PTPRA: variants seen among roughly 807,000 people sequenced by gnomAD.
PTPRA encodes the protein protein tyrosine phosphatase receptor type A.
Under a neutral mutation model 104.8 loss-of-function variants are expected in PTPRA, and 25 were observed. The ratio of observed to expected loss-of-function variants is 0.24; its 90% CI spans 0.17 to 0.33. PTPRA has a LOEUF of 0.33. Ranked by LOEUF, PTPRA falls within the 10% of genes least tolerant of loss-of-function variation. The pLI is 1.00. For missense variants in PTPRA, 765 were observed against 1,015.3 expected, an observed-to-expected ratio of 0.75 and a Z score of 3.35; for synonymous variants, 323 against 368.9, an observed-to-expected ratio of 0.88 and a Z score of 1.43.
At chr20:2,864,534 C>T in the PTPRA span, 2 of 1,614,104 alleles carry the variant, frequency 1.2e-6, no homozygotes, top group South Asian at 2.2e-5. This position sits in a 1 kb window ranked among gnomAD's most constrained non-coding sequence, Gnocchi z 5.2. Context: ...TGATTGCCTG[C>T]CTGTGGCCCC....
intron 13 of PTPRA, among the ~76,000 whole-genome samples, chr20:3,018,848 G>A (rs1371667653): frequency 7.4e-4 from 62 of 83,664 alleles, no homozygotes; most frequent in African/African-American, 3.2e-3. Context: ...CTGGCCGGGC[G>A]GGGGGCTGAT....
intron 2 of PTPRA, among the ~76,000 whole-genome samples, chr20:2,930,488 C>T (rs993320932): frequency 2.6e-5 from 4 of 152,156 alleles, no homozygotes; most frequent in African/African-American, 7.2e-5. Context: ...ACCATAAACT[C>T]GGTGGCTAAA....
intron 1 of PTPRA, among the ~76,000 whole-genome samples, chr20:2,897,226 G>A (rs1405737951): frequency 6.6e-6 from 1 of 152,108 alleles, no homozygotes; most frequent in African/African-American, 2.4e-5. Flanking sequence ...GTGGGGTGAT[G>A]CTTTGAGACT....
chr20:3,017,369 G>A (rs1203649906), intron 12 of PTPRA, among the ~76,000 whole-genome samples: 1 of 152,150 alleles, frequency 6.6e-6, no homozygotes, highest in South Asian at 2.1e-4. Flanking sequence ...TCCGAAAAAG[G>A]TTATATGGGA....
In PTPRA at chr20:3,015,866, C is replaced by T; in HGVS notation, c.924C>T (p.Asn308=). 3 of 1,564,234 alleles carry T rather than the reference C, an allele frequency of 1.9e-6. No homozygotes were observed. Among genetic ancestry groups the T allele is most frequent in the East Asian group, 2.2e-5 (1 of 44,510 alleles). Reference sequence around the variant, plus strand: ...CACCCCAGGGCTACCAAGAAAAGAACAAATTCATTGCTGCACAAGGTAAAG... The same window carrying T: ...CACCCCAGGGCTACCAAGAAAAGAATAAATTCATTGCTGCACAAGGTAAAG... ...ASFINGYQEK[N]KFIAAQGPKE... Residue 308 remains asparagine, a synonymous_variant, in exon 12 of 24, where the codon AAC becomes AAT. Transcript: ENST00000399903.
intron 14 of PTPRA, among the ~76,000 whole-genome samples, chr20:3,021,780 G>T (rs2064882032): frequency 6.6e-6 from 1 of 152,202 alleles, no homozygotes; most frequent in African/African-American, 2.4e-5. Flanking sequence ...GCCTGCCCCT[G>T]GCCCTCCAGG....
Position 2,910,593 on chromosome 20 carries a change from T to TG in PTPRA, c.-128-12614_-128-12613insG, listed in dbSNP as rs1171090474. ...TGCCCAGCTAGTTTTTTTTTTGTTT[T>TG]TTTTTTGTTTTTTTTAATTTTTTTT... On this transcript the variant is annotated intron_variant, in intron 1 of 23. Coordinates refer to ENST00000399903, the MANE Select transcript of PTPRA (RefSeq NM_001385305.1). Among the ~76,000 whole-genome samples, 28 of 127,102 alleles carry TG rather than the reference T, an allele frequency of 2.2e-4. 1 individual carries two copies. In the East Asian group the frequency reaches 3.6e-3, roughly 16 times the overall value. The allele number at this position is 127,102 out of a possible 152,430, so 83.4% of individuals were successfully genotyped here.
In PTPRA at chr20:2,923,218, A is replaced by T; in HGVS notation, c.-117A>T. On this transcript the variant is annotated 5_prime_UTR_variant, in exon 2 of 24. Coordinates refer to ENST00000399903, the MANE Select transcript of PTPRA (RefSeq NM_001385305.1). ...TCCTTTTGTTGCAGGTGACACAACT[A>T]AAAAAAAACAAAGGTATTTATGGAA... is the stretch of plus-strand genomic sequence containing the variant. 8.3e-7 allele frequency: 1 copy of T among 1,205,402 alleles called. No homozygotes were observed. Among genetic ancestry groups the T allele is most frequent in the Non-Finnish European group, 1.1e-6 (1 of 927,654 alleles). The allele number at this position is 1,205,402 out of a possible 1,614,324, so 74.7% of individuals were successfully genotyped here. A position where few individuals can be genotyped will look rare whatever the true frequency, so the allele number is the denominator to read the frequency against.
chr20:2,864,891 A>G, the PTPRA span: 20 of 1,575,290 alleles, frequency 1.3e-5, no homozygotes, highest in Non-Finnish European at 1.7e-5. This position sits in a 1 kb window ranked among gnomAD's most constrained non-coding sequence, Gnocchi z 5.2. Flanking sequence ...CCCTGGGCAC[A>G]GGGATGGGGG....
intron 10 of PTPRA, 100 bp downstream of exon 10, chr20:3,005,246 G>A (rs2063809758): frequency 1.7e-6 from 2 of 1,190,576 alleles, no homozygotes; most frequent in Non-Finnish European, 2.5e-6. Context: ...ACAGCAGGGT[G>A]AATAACAAGA....
At chr20:2,956,757 C>T (rs2061552191) in intron 3 of PTPRA, among the ~76,000 whole-genome samples, 1 of 152,054 alleles carries the variant, frequency 6.6e-6, no homozygotes, top group African/African-American at 2.4e-5. Flanking sequence ...AGGGTATTTC[C>T]AGTATTCTTC....
chr20:2,867,785 C>T, the PTPRA span, among the ~76,000 whole-genome samples: 1 of 152,212 alleles, frequency 6.6e-6, no homozygotes. Context: ...CCCCTAGGGC[C>T]GACCATGCTT....
intron 1 of PTPRA, among the ~76,000 whole-genome samples, chr20:2,914,303 G>A (rs2059819428): frequency 6.6e-6 from 1 of 152,134 alleles, no homozygotes; most frequent in African/African-American, 2.4e-5. Flanking sequence ...TAGAGGTTAG[G>A]TCTGGACAGT....
In PTPRA at chr20:2,912,423, A is replaced by G. The variant is rs537993685; in HGVS notation, c.-128-10784A>G. On this transcript the variant is annotated intron_variant, in intron 1 of 23. Transcript: ENST00000399903. ...TGGATTGCTTGAGCTCAGGAGTTCA[A>G]GACCAGCCTGGGCAACGTGGCGAAA... Among the ~76,000 whole-genome samples, 9 of 152,230 alleles carry G rather than the reference A, an allele frequency of 5.9e-5. No homozygotes were observed. In the East Asian group the frequency reaches 1.7e-3, roughly 29 times the overall value.
chr20:2,871,861 C>G (rs1275801483), upstream of PTPRA, among the ~76,000 whole-genome samples: 4 of 152,162 alleles, frequency 2.6e-5, 1 homozygote, highest in Non-Finnish European at 5.9e-5. Context: ...TCAGAGGTGT[C>G]GGGTTCGGCC....
chr20:2,947,655 C>T (rs1028473914), intron 2 of PTPRA, among the ~76,000 whole-genome samples: 7 of 152,142 alleles, frequency 4.6e-5, no homozygotes, highest in South Asian at 4.1e-4. Flanking sequence ...TGGACTCTTT[C>T]GTAGAGTGCA....
intron 11 of PTPRA, among the ~76,000 whole-genome samples, chr20:3,014,505 G>C (rs1324505648): frequency 6.6e-6 from 1 of 152,190 alleles, no homozygotes; most frequent in Non-Finnish European, 1.5e-5. Context: ...TTAGCCGGCC[G>C]TGATGGCTCA....
At chr20:3,026,543 CATAT>C in intron 17 of PTPRA, 140 bp from the exon 18 acceptor site, 1 of 627,742 alleles carries the variant, frequency 1.6e-6, no homozygotes, top group Admixed American at 2.7e-5. Flanking sequence ...TCCAGCTGAA[CATAT>C]GGGAACAGAG....
At chr20:2,886,464 A>G (rs1407126989) in intron 1 of PTPRA, among the ~76,000 whole-genome samples, 1 of 152,114 alleles carries the variant, frequency 6.6e-6, no homozygotes, top group Non-Finnish European at 1.5e-5. Context: ...ACTGTTGTAT[A>G]TGTTTGAGAA....
Sources: gnomAD v4.1 joint callset for allele counts (sites outside exome capture counted in the v4.1 genomes callset) on GRCh38, gnomAD v4.1.1 for gene constraint, Gnocchi (gnomAD v3.1) non-coding constraint, MANE v1.5 for transcripts, NCBI Gene and HGNC (gene_info 2026-07-23, HGNC 2026-07-21) for gene names.